Variants in RTN2 observed in about 807,000 individuals in gnomAD.
The protein encoded by RTN2 is reticulon 2, also known as reticulon-2.
A neutral mutation model predicts 63.7 loss-of-function variants in RTN2; 36 were observed. The observed-to-expected ratio is 0.56, with a 90% CI of 0.43 to 0.75. RTN2 has a LOEUF of 0.75. Among genes scored for constraint, RTN2 ranks in the 30% least tolerant of loss-of-function variants. RTN2 has a pLI of 0.00. For missense variants in RTN2, 673 were observed against 705.1 expected (o/e 0.95, Z 0.52); for synonymous variants, 312 against 313.0 (o/e 1.00, Z 0.03).
At chr19:45,493,478 G>T in intron 4 of RTN2, 100 bp from the exon 5 acceptor site, 1 of 876,608 alleles carries the variant, frequency 1.1e-6, no homozygotes, top group Non-Finnish European at 1.8e-6. Flanking sequence ...TTTTCAAATA[G>T]AGATCGAGTC....
chr19:45,489,418 C>A lies in RTN2; in HGVS notation c.1169G>T (p.Gly390Val). Residue 390 changes from glycine (G) to valine (V), a missense_variant, in exon 6 of 11, where the codon GGC (glycine) becomes GTC (valine). Gly to Val is a moderately radical substitution (Grantham distance 109, BLOSUM62 -3). Transcript: ENST00000245923. Reference sequence around the variant, plus strand: ...GCGGTAAACCCTGAGAGAGATGGTGCCGCAGAGCAGCAACAGAGCCAAGTG... The same window carrying A: ...GCGGTAAACCCTGAGAGAGATGGTGACGCAGAGCAGCAACAGAGCCAAGTG... ...AAHLALLLLCGTISLRVYRKV... is the reference protein window; with the variant it reads ...AAHLALLLLCVTISLRVYRKV... 6.2e-7 allele frequency: 1 copy of A among 1,606,294 alleles called. No individual in the cohort carries two copies. The highest frequency in any genetic ancestry group is 8.5e-7 in the Non-Finnish European group (1 of 1,176,744).
chr19:45,494,177 G>A lies in RTN2; in HGVS notation c.803C>T (p.Pro268Leu). ...STDQLEFTVE[P>L]RLLGTAMEWL... Reference sequence around the variant, plus strand: ...TACACGTTGCTTACCTAGAAGGCGTGGCTCCACCGTGAATTCTAATTGGTC... The same window carrying A: ...TACACGTTGCTTACCTAGAAGGCGTAGCTCCACCGTGAATTCTAATTGGTC... Residue 268 changes from proline to leucine, a missense_variant, in exon 4 of 11, where the codon CCA becomes CTA. Coordinates refer to ENST00000245923, the MANE Select transcript of RTN2 (RefSeq NM_005619.5). The surrounding 1 kb of genome is among the most constrained non-coding windows in gnomAD (Gnocchi z 5.3). 3 of 1,602,520 alleles carry A rather than the reference G, an allele frequency of 1.9e-6. No individual in the cohort carries two copies. The highest frequency in any genetic ancestry group is 2.5e-6 in the Non-Finnish European group (3 of 1,179,890).
At chr19:45,492,545 G>A (rs1449338303) in intron 5 of RTN2, among the ~76,000 whole-genome samples, 2 of 151,998 alleles carry the variant, frequency 1.3e-5, no homozygotes, top group East Asian at 3.9e-4. Flanking sequence ...GGCTTAAAAA[G>A]AAAAAGAAAC....
rs748249548 is a variant in RTN2 at position 45,494,334 on chromosome 19, C to T, written c.646G>A (p.Ala216Thr). 9.9e-6 allele frequency: 16 copies of T among 1,614,064 alleles called. No homozygotes were observed. The highest frequency in any genetic ancestry group is 1.4e-5 in the Non-Finnish European group (16 of 1,180,046). ...QLSPGSGTPQ[A>T]GTPSPSRSRD... ...GATCGGGATGGGGACGGAGTACCGG[C>T]CTGGGGTGTCCCAGAGCCCGGACTG... Residue 216 changes from alanine to threonine, a missense_variant, in exon 4 of 11, where the codon GCC (alanine) becomes ACC (threonine). By Grantham distance (58) the Ala-to-Thr change is moderately conservative (BLOSUM62 0). Transcript: ENST00000245923. This position sits in a 1 kb window ranked among gnomAD's most constrained non-coding sequence, Gnocchi z 5.3.
chr19:45,487,029 A>C, intron 9 of RTN2, among the ~76,000 whole-genome samples: 3 of 76,438 alleles, frequency 3.9e-5, no homozygotes, highest in Non-Finnish European at 7.6e-5. Context: ...CACCATGCCC[A>C]GCCTTTTTTT....
chr19:45,491,512 T>C (rs112198959), intron 5 of RTN2, among the ~76,000 whole-genome samples: 14,740 of 149,240 alleles, frequency 0.099, 838 homozygotes, highest in East Asian at 0.2. Flanking sequence ...AGGCATGAGC[T>C]GCCATGCCTG....
chr19:45,495,061 C>T (rs1968245108), intron 2 of RTN2, 34 bp downstream of exon 2: 1 of 1,614,182 alleles, frequency 6.2e-7, no homozygotes, highest in African/African-American at 1.3e-5. Flanking sequence ...AGCTGCCCAG[C>T]CCTGAGCCCC....
At chr19:45,493,904 G>A (rs980031264) in intron 4 of RTN2, 18 of 460,570 alleles carry the variant, frequency 3.9e-5, no homozygotes, top group African/African-American at 3.4e-4. Context: ...TGGCCAGGCT[G>A]ATCTCGAACT....
intron 9 of RTN2, among the ~76,000 whole-genome samples, chr19:45,487,583 G>GTTTTTTTTTTTTTTTTTTTTTTT (rs4031036): frequency 9.5e-6 from 1 of 105,754 alleles, no homozygotes; most frequent in African/African-American, 3.7e-5. Flanking sequence ...TTATTTTTTG[G>GTTTTTTTTTTTTTTTTTTTTTTT]TTTTTTTTTT....
Position 45,485,716 on chromosome 19 carries a change from C to T in RTN2, c.1630G>A (p.Ala544Thr), listed in dbSNP as rs201387324. ...GGGCAGAGACACCGTTCTCATTCGG[C>T]TTTGGCTTTGGATCCGGAGACTGCG... ...AAAVSGSKAK[A>T]E is the part of the protein sequence containing the mutation. The change falls in exon 11 of 11, where the codon GCC becomes ACC. Residue 544 changes from alanine (A) to threonine (T), a missense_variant. Physicochemically the swap from Ala to Thr is moderately conservative, Grantham distance 58. Coordinates refer to ENST00000245923, the MANE Select transcript of RTN2 (RefSeq NM_005619.5). 4.1e-4 allele frequency: 661 copies of T among 1,613,908 alleles called. 2 individuals carry two copies. Among genetic ancestry groups the T allele is most frequent in the Non-Finnish European group, 5.0e-4 (586 of 1,179,900 alleles).
Position 45,485,635 on chromosome 19 carries a change from C to A in RTN2, c.*73G>T. 1 of 1,255,308 alleles carries A rather than the reference C, an allele frequency of 8.0e-7. No individual in the cohort carries two copies. The highest frequency in any genetic ancestry group is 2.3e-5 in the East Asian group (1 of 42,892). 77.8% of individuals were successfully genotyped at this position (1,255,308 alleles called of 1,614,324 possible). On this transcript the variant is annotated 3_prime_UTR_variant, in exon 11 of 11. Transcript: ENST00000245923. ...GGCCGAGGAGGGGGGTGGGTGGGAA[C>A]GGACAAGAGATGGAGGGGGCCAGAG...
intron 4 of RTN2, 62 bp from the exon 5 acceptor site, chr19:45,493,440 G>T: frequency 8.1e-7 from 1 of 1,230,278 alleles, no homozygotes; most frequent in Non-Finnish European, 1.2e-6. Context: ...AATAGATGTG[G>T]TCAGGAAAAA....
At chr19:45,491,532 ATTTTTTT>A (rs372135117) in intron 5 of RTN2, among the ~76,000 whole-genome samples, 1 of 125,530 alleles carries the variant, frequency 8.0e-6, no homozygotes, top group Non-Finnish European at 1.7e-5. Flanking sequence ...GGCCTGGCTA[ATTTTTTT>A]TTTTTTTTTT....
At chr19:45,489,085 G>T in intron 6 of RTN2, 99 bp from the exon 7 acceptor site, 2 of 1,376,140 alleles carry the variant, frequency 1.5e-6, no homozygotes, top group South Asian at 1.3e-5. Context: ...GTTGGGAGAA[G>T]ACCAGAGTTA....
chr19:45,490,893 T>G (rs1420333452), intron 5 of RTN2, among the ~76,000 whole-genome samples: 3 of 116,360 alleles, frequency 2.6e-5, no homozygotes, highest in East Asian at 3.1e-4. Flanking sequence ...TGTTTGTTTG[T>G]TTTTTTTTTT....
At chr19:45,489,266 G>A (rs1968097675) in intron 6 of RTN2, 80 bp downstream of exon 6, 1 of 1,324,374 alleles carries the variant, frequency 7.6e-7, no homozygotes. Flanking sequence ...GTCCGGGTGG[G>A]AGTCGGTGCC....
At position 45,485,406 on chromosome 19, in the gene RTN2, G is replaced by T. The variant is rs774021825; in HGVS notation, c.*302C>A. 1.5e-4 allele frequency: 62 copies of T among 412,678 alleles called. No homozygotes were observed. Among genetic ancestry groups the T allele is most frequent in the Admixed American group, 3.8e-4 (10 of 26,384 alleles). 25.6% of individuals were successfully genotyped at this position (412,678 alleles called of 1,614,324 possible). On this transcript the variant is annotated 3_prime_UTR_variant, in exon 11 of 11. Coordinates refer to ENST00000245923, the MANE Select transcript of RTN2 (RefSeq NM_005619.5). ...CATCCAGGAGACACCAACGCCTCAC[G>T]GCGCCTCCAGCGGCGGGTCCGGAAG...
At position 45,494,772 on chromosome 19, in the gene RTN2, G is replaced by A; in HGVS notation, c.313C>T (p.Leu105=). 1.2e-6 allele frequency: 2 copies of A among 1,607,348 alleles called. No homozygotes were observed. The highest frequency in any genetic ancestry group is 4.5e-5 in the East Asian group (2 of 44,876). ...EPRDQHPQPS[L]GDSLESIPSL... ...GGGATGCTCTCCAAGCTGTCGCCCA[G>A]GCTGGGCTGAGGGTGCTGGTCTCGT... The change falls in exon 3 of 11, where the codon CTG becomes TTG. Residue 105 remains leucine (L), a synonymous_variant. Coordinates refer to ENST00000245923, the MANE Select transcript of RTN2 (RefSeq NM_005619.5). This position sits in a 1 kb window ranked among gnomAD's most constrained non-coding sequence, Gnocchi z 5.3.
chr19:45,488,466 C>CT lies in RTN2; in HGVS notation c.1497+4dup, dbSNP rs1159009238. 6.2e-7 allele frequency: 1 copy of CT among 1,613,324 alleles called. No homozygotes were observed. The highest frequency in any genetic ancestry group is 8.5e-7 in the Non-Finnish European group (1 of 1,179,682). On this transcript the variant is annotated splice_donor_region_variant and intron_variant, in intron 9 of 10. Coordinates refer to ENST00000245923, the MANE Select transcript of RTN2 (RefSeq NM_005619.5). ...GGTGCTGACAACTGAGGGTGTCACA[C>CT]TCACCTGGTGCTGCCGGTACAGCAG...
Sources: allele counts gnomAD v4.1 joint callset (sites outside exome capture counted in the v4.1 genomes callset), GRCh38; gene constraint gnomAD v4.1.1; non-coding constraint Gnocchi (gnomAD v3.1); transcripts MANE v1.5; gene names NCBI Gene and HGNC (gene_info 2026-07-23, HGNC 2026-07-21).